Variants in AKAP13 observed in about 807,000 individuals in gnomAD.
The protein encoded by AKAP13 is A-kinase anchor protein 13.
A neutral mutation model predicts 264.5 loss-of-function variants in AKAP13; 80 were observed. The ratio of observed to expected loss-of-function variants is 0.30; its 90% CI spans 0.25 to 0.36. AKAP13 has a LOEUF of 0.36. Among genes scored for constraint, AKAP13 ranks in the 10% least tolerant of loss-of-function variants. The pLI, the probability that AKAP13 is intolerant of heterozygous loss-of-function variation, is 1.00. For missense variants in AKAP13, 3,712 were observed against 3,435.2 expected, an observed-to-expected ratio of 1.08 and a Z score of -2.01; for synonymous variants, 1,380 against 1,250.2, an observed-to-expected ratio of 1.10 and a Z score of -2.19.
At position 85,735,078 on chromosome 15, in the gene AKAP13, G is replaced by A. The variant is rs2241268; in HGVS notation, c.7369G>A (p.Gly2457Ser). The change falls in exon 31 of 37, where the codon GGT (glycine) becomes AGT (serine). Residue 2457 changes from glycine to serine, a missense_variant. Gly to Ser is a moderately conservative substitution (Grantham distance 56). Transcript: ENST00000394518. ...VSSPIEQDVV[G>S]PVSLPRRAET... ...CAGCCCCATTGAGCAAGATGTGGTC[G>A]GTCCCGTTTCCCTGCCCCGGAGAGC... 381,239 of 1,613,906 alleles carry A rather than the reference G, an allele frequency of 0.24. 49,023 individuals are homozygous for A. The highest frequency in any genetic ancestry group is 0.37 in the Middle Eastern group (2,269 of 6,052).
At chr15:85,445,689 T>A (rs1375040834) in intron 1 of AKAP13, among the ~76,000 whole-genome samples, 2 of 137,590 alleles carry the variant, frequency 1.5e-5, no homozygotes, top group African/African-American at 5.7e-5. Context: ...GTGAAAAAAA[T>A]CAGTCTGTAT....
At chr15:85,420,839 C>CT (rs2072488123) in intron 1 of AKAP13, among the ~76,000 whole-genome samples, 1 of 152,076 alleles carries the variant, frequency 6.6e-6, no homozygotes, top group Non-Finnish European at 1.5e-5. Flanking sequence ...AATGAGAATA[C>CT]TTAACAGGCT....
rs375583293 is a variant in AKAP13, at chr15:85,700,616, A to G, written c.5464+7165A>G. 4.2e-4 allele frequency among the ~76,000 whole-genome samples: 64 copies of G among 152,344 alleles called. 1 individual carries two copies. In the South Asian group the frequency reaches 0.011, roughly 26 times the overall value. On this transcript the variant is annotated intron_variant, in intron 17 of 36. Coordinates refer to ENST00000394518, the MANE Select transcript of AKAP13 (RefSeq NM_007200.5). ...TTTAATGGATAGGGCGGTAGCTTTC[A>G]GGATGTCAGGTGTTTGGAAGCTCCA... is the stretch of plus-strand genomic sequence containing the variant.
chr15:85,622,680 C>T (rs1242648550), intron 8 of AKAP13, among the ~76,000 whole-genome samples: 1 of 152,194 alleles, frequency 6.6e-6, no homozygotes, highest in African/African-American at 2.4e-5. Context: ...TACATTCCTA[C>T]TCTTTGTCTC....
intron 4 of AKAP13, 143 bp from the exon 5 acceptor site, chr15:85,543,629 G>T (rs967179581): frequency 7.5e-6 from 7 of 930,660 alleles, no homozygotes; most frequent in Non-Finnish European, 1.1e-5. Flanking sequence ...CCACAATAAA[G>T]CTGTTCACAC....
chr15:85,440,788 C>CT (rs1402756270), intron 1 of AKAP13, among the ~76,000 whole-genome samples: 17 of 152,156 alleles, frequency 1.1e-4, no homozygotes, highest in Non-Finnish European at 2.1e-4. Context: ...ACTTCTGCCT[C>CT]TTTTTTCTCA....
chr15:85,402,581 GC>G (rs1399429114), intron 1 of AKAP13, among the ~76,000 whole-genome samples: 3 of 152,152 alleles, frequency 2.0e-5, no homozygotes, highest in Non-Finnish European at 2.9e-5. Flanking sequence ...ATACTTTTTA[GC>G]TCTCCGGGAG....
chr15:85,559,203 T>C (rs539874176), intron 5 of AKAP13, among the ~76,000 whole-genome samples: 5 of 152,280 alleles, frequency 3.3e-5, no homozygotes, highest in Admixed American at 2.0e-4. Context: ...GAAGCACTGG[T>C]TAAACAGAAG....
intron 1 of AKAP13, among the ~76,000 whole-genome samples, chr15:85,442,532 AAT>A (rs1596193230): frequency 1.6e-5 from 2 of 124,216 alleles, no homozygotes; most frequent in Non-Finnish European, 3.3e-5. Flanking sequence ...TATTATATAT[AAT>A]ATATATTATA....
At position 85,740,987 on chromosome 15, in the gene AKAP13, C is replaced by T. The variant is rs368714264; in HGVS notation, c.7609-59C>T. ...CCCCTGCTGTGGGGTCGGGAGGGAT[C>T]CAGAAGCTCGCTGTCGTCCTGGCCA... On this transcript the variant is annotated intron_variant, in intron 34 of 36. Coordinates refer to ENST00000394518, the MANE Select transcript of AKAP13 (RefSeq NM_007200.5). 2.4e-3 allele frequency: 3,658 copies of T among 1,546,002 alleles called. 31 individuals are homozygous for T. Among genetic ancestry groups the T allele is most frequent in the South Asian group, 0.019 (1,502 of 79,952 alleles).
Position 85,439,218 on chromosome 15 carries a change from A to C in AKAP13, c.-11-46492A>C, listed in dbSNP as rs1450070959. On this transcript the variant is annotated intron_variant, in intron 1 of 36. Coordinates refer to ENST00000394518, the MANE Select transcript of AKAP13 (RefSeq NM_007200.5). ...TATGCAGCCAAAAAACACATGAAAA[A>C]ATGCTCATCATCACTGGCCATCAGA... 8.8e-3 allele frequency among the ~76,000 whole-genome samples: 1,320 copies of C among 150,762 alleles called. 7 individuals carry two copies. The highest frequency in any genetic ancestry group is 0.013 in the Non-Finnish European group (872 of 67,380).
chr15:85,737,722 C>T (rs1367749088), intron 33 of AKAP13, among the ~76,000 whole-genome samples: 1 of 152,152 alleles, frequency 6.6e-6, no homozygotes. Context: ...ACAGCAGCTT[C>T]CACGTCCCAG....
rs779749396 is a variant in AKAP13, at chr15:85,719,089, A to C, written c.6015A>C (p.Thr2005=). The change falls in exon 23 of 37, where the codon ACA becomes ACC. Residue 2005 remains threonine (T), a synonymous_variant. Coordinates refer to ENST00000394518, the MANE Select transcript of AKAP13 (RefSeq NM_007200.5). ...RQEVIYELMQ[T]EFHHVRTLKI... is the part of the protein sequence containing the mutation. ...TCCTCCTTTTAGAGTTGATGCAGAC[A>C]GAGTTTCATCATGTCCGCACTCTCA... The C allele has an allele frequency of 5.6e-6, 9 of 1,613,962 alleles. No individual in the cohort carries two copies. Among genetic ancestry groups the C allele is most frequent in the African/African-American group, 1.3e-5 (1 of 74,928 alleles).
chr15:85,664,838 G>GC, intron 13 of AKAP13, 83 bp downstream of exon 13: 1 of 1,292,482 alleles, frequency 7.7e-7, no homozygotes, highest in Non-Finnish European at 1.1e-6. Flanking sequence ...GTAGTATAAG[G>GC]CTAGTAGCTA....
chr15:85,480,881 A>G (rs745944553), intron 1 of AKAP13: 7 of 152,070 alleles, frequency 4.6e-5, no homozygotes, highest in East Asian at 1.9e-4. Flanking sequence ...AGGGACATGT[A>G]TAGTTTCACC....
chr15:85,732,878 GATA>G (rs1376441822), intron 30 of AKAP13, among the ~76,000 whole-genome samples: 3 of 151,568 alleles, frequency 2.0e-5, no homozygotes, highest in East Asian at 1.9e-4. Flanking sequence ...ACACTATTTT[GATA>G]ATAATATATT....
intron 17 of AKAP13, among the ~76,000 whole-genome samples, chr15:85,694,482 A>C (rs1358610848): frequency 6.6e-6 from 1 of 152,242 alleles, no homozygotes; most frequent in Non-Finnish European, 1.5e-5. Flanking sequence ...TGGATACTGA[A>C]ATTTGAATTT....
At chr15:85,464,683 A>G (rs1397361538) in intron 1 of AKAP13, among the ~76,000 whole-genome samples, 2 of 152,214 alleles carry the variant, frequency 1.3e-5, no homozygotes, top group African/African-American at 4.8e-5. Flanking sequence ...AAGCTTATAT[A>G]ACTCGGAAGC....
At chr15:85,396,837 G>A (rs573628647) in intron 1 of AKAP13, among the ~76,000 whole-genome samples, 7 of 150,910 alleles carry the variant, frequency 4.6e-5, no homozygotes, top group South Asian at 2.1e-4. Context: ...AATTAGACAT[G>A]GAAAATTAAA....
Sources: allele counts gnomAD v4.1 joint callset (sites outside exome capture counted in the v4.1 genomes callset), GRCh38; gene constraint gnomAD v4.1.1; transcripts MANE v1.5; gene names NCBI Gene and HGNC (gene_info 2026-07-23, HGNC 2026-07-21).